The following PCDHA4 variants were observed in gnomAD, a reference collection of about 807,000 sequenced individuals.
The protein encoded by PCDHA4 is protocadherin alpha-4.
PCDHA4 carries 49 observed loss-of-function variants against 61.4 expected under a neutral mutation model. The ratio of observed to expected loss-of-function variants is 0.80; its 90% CI spans 0.63 to 1.01. The LOEUF (loss-of-function observed/expected upper bound fraction) is 1.01. Ranked by LOEUF, PCDHA4 falls within the 50% of genes least tolerant of loss-of-function variation. The pLI is 0.00. For missense variants in PCDHA4, 1,254 were observed against 1,235.8 expected (o/e 1.01, Z -0.22); for synonymous variants, 590 against 550.3 (o/e 1.07, Z -1.01).
rs201793837 is a variant in PCDHA4 at position 141,003,710 on chromosome 5, A to G, written c.2534-5917A>G. Among the ~76,000 whole-genome samples, 7 of 152,316 alleles carry G rather than the reference A, an allele frequency of 4.6e-5. No homozygotes were observed. The East Asian group carries it at 1.2e-3, about 25-fold the overall frequency. On this transcript the variant is annotated intron_variant, in intron 3 of 3. Transcript: ENST00000530339. ...AAATATATCCCTACCAATTGTGAAG[A>G]TATCGGCTAATCCAATAAAAAAGCA... is the stretch of plus-strand genomic sequence containing the variant.
In PCDHA4 at chr5:140,829,895, G is replaced by A. The variant is rs2150177199; in HGVS notation, c.2385+20323G>A. The A allele has an allele frequency of 2.8e-5, 45 of 1,613,856 alleles. No homozygotes were observed. The Admixed American group carries it at 6.2e-4, about 22-fold the overall frequency. On this transcript the variant is annotated intron_variant, in intron 1 of 3. Transcript: ENST00000530339. ...GGTGCGCGCAGTTGACGCCGACTCA[G>A]GCTACAACGCGTGGCTTTCGTATGA...
At chr5:140,932,124 A>G (rs2088056676) in intron 1 of PCDHA4, among the ~76,000 whole-genome samples, 1 of 151,956 alleles carries the variant, frequency 6.6e-6, no homozygotes, top group Admixed American at 6.5e-5. Flanking sequence ...GATAATATTT[A>G]AGATATAAAC....
intron 1 of PCDHA4, among the ~76,000 whole-genome samples, chr5:140,819,274 A>G (rs1207712720): frequency 1.3e-5 from 2 of 152,218 alleles, no homozygotes; most frequent in East Asian, 1.9e-4. Flanking sequence ...TTCTATAGAT[A>G]AGAGAAGAAA....
chr5:140,827,193 G>A (rs1769211639), intron 1 of PCDHA4, among the ~76,000 whole-genome samples: 1 of 152,116 alleles, frequency 6.6e-6, no homozygotes, highest in Non-Finnish European at 1.5e-5. Flanking sequence ...TTCAAAACTT[G>A]GAAGTGAGTG....
At chr5:140,892,504 G>A (rs2063551551) in intron 1 of PCDHA4, among the ~76,000 whole-genome samples, 1 of 152,176 alleles carries the variant, frequency 6.6e-6, no homozygotes, top group Non-Finnish European at 1.5e-5. Context: ...TGTTTAAGAA[G>A]TTCCACCATG....
intron 1 of PCDHA4, chr5:140,830,619 TTTC>T (rs1771166923): frequency 5.1e-6 from 3 of 592,920 alleles, no homozygotes; most frequent in East Asian, 7.2e-5. Flanking sequence ...TTTTATTGTG[TTTC>T]TTATTTTAAT....
intron 1 of PCDHA4, among the ~76,000 whole-genome samples, chr5:140,952,087 C>T (rs2094684318): frequency 6.6e-6 from 1 of 152,162 alleles, no homozygotes. Context: ...CTCCATGTCT[C>T]ACATCCAGGG....
At position 140,870,948 on chromosome 5, in the gene PCDHA4, C is replaced by T. The variant is rs868931274; in HGVS notation, c.2385+61376C>T. ...CATATGAATTGCAGCCGGCGGCGGG[C>T]GGCTCGCGCATCCCGTTCCGCGTGG... On this transcript the variant is annotated intron_variant, in intron 1 of 3. Coordinates refer to ENST00000530339, the MANE Select transcript of PCDHA4 (RefSeq NM_018907.4). 3.0e-5 allele frequency: 49 copies of T among 1,613,584 alleles called. 1 individual carries two copies. The Middle Eastern group carries it at 7.0e-3, about 229-fold the overall frequency.
chr5:140,968,782 C>G, intron 1 of PCDHA4: 1 of 1,614,192 alleles, frequency 6.2e-7, no homozygotes, highest in South Asian at 1.1e-5. Flanking sequence ...CACTATCAGC[C>G]TCTGTGGCCA....
chr5:140,973,406 T>C (rs1205127002), intron 1 of PCDHA4, among the ~76,000 whole-genome samples: 1 of 152,240 alleles, frequency 6.6e-6, no homozygotes, highest in Non-Finnish European at 1.5e-5. Flanking sequence ...ATCTATGAGC[T>C]TCCACTCCAG....
At chr5:140,893,456 C>G (rs781790396) in intron 1 of PCDHA4, among the ~76,000 whole-genome samples, 44 of 151,918 alleles carry the variant, frequency 2.9e-4, no homozygotes, top group Non-Finnish European at 2.6e-4. Flanking sequence ...AGTTCAAGAC[C>G]AGCCTGGGCA....
chr5:140,950,944 T>C (rs2094535037), intron 1 of PCDHA4, among the ~76,000 whole-genome samples: 1 of 152,090 alleles, frequency 6.6e-6, no homozygotes, highest in Admixed American at 6.5e-5. Flanking sequence ...TCAGATTGGA[T>C]CATTTCTATT....
chr5:140,821,618 T>C, intron 1 of PCDHA4: 1 of 858,038 alleles, frequency 1.2e-6, no homozygotes, highest in Non-Finnish European at 1.7e-6. Context: ...TGAGTAGATT[T>C]TCCTTAGACA....
At chr5:140,941,042 T>C (rs532611705) in intron 1 of PCDHA4, among the ~76,000 whole-genome samples, 11 of 152,310 alleles carry the variant, frequency 7.2e-5, no homozygotes, top group African/African-American at 2.2e-4. Context: ...TGGTGCCAAG[T>C]CAAATTCCCC....
At chr5:140,928,293 G>A (rs782241081) in intron 1 of PCDHA4, 1 of 1,614,150 alleles carries the variant, frequency 6.2e-7, no homozygotes, top group South Asian at 1.1e-5. Flanking sequence ...TAGGCCGAGT[G>A]TTTGCCCAGG....
intron 1 of PCDHA4, among the ~76,000 whole-genome samples, chr5:140,900,358 A>C (rs2067968295): frequency 6.6e-6 from 1 of 151,358 alleles, no homozygotes. Flanking sequence ...GCTCACCGCA[A>C]CCTCTGCCTC....
intron 1 of PCDHA4, chr5:140,866,984 A>G (rs2049692494): frequency 6.6e-6 from 1 of 152,180 alleles, no homozygotes; most frequent in African/African-American, 2.4e-5. Flanking sequence ...ATCACAGCCA[A>G]AATGCAAAAG....
At chr5:140,987,429 G>T (rs1402576200) in intron 3 of PCDHA4, among the ~76,000 whole-genome samples, 2 of 152,096 alleles carry the variant, frequency 1.3e-5, no homozygotes, top group Admixed American at 1.3e-4. Flanking sequence ...GAAGCAGGGG[G>T]CCTTTCCCCA....
intron 1 of PCDHA4, among the ~76,000 whole-genome samples, chr5:140,974,548 G>A (rs2096631054): frequency 6.6e-6 from 1 of 152,068 alleles, no homozygotes; most frequent in South Asian, 2.1e-4. Context: ...TTTTGCTCTT[G>A]TTGCCCAGGC....
Sources: allele counts gnomAD v4.1 joint callset (sites outside exome capture counted in the v4.1 genomes callset), GRCh38; gene constraint gnomAD v4.1.1; transcripts MANE v1.5; gene names NCBI Gene and HGNC (gene_info 2026-07-23, HGNC 2026-07-21).